The following MOB3B variants were observed in gnomAD, a reference collection of about 807,000 sequenced individuals.
MOB3B encodes the protein MOB kinase activator 3B.
MOB3B carries 7 observed loss-of-function variants against 18.7 expected under a neutral mutation model. That is an observed-to-expected ratio of 0.37 (90% CI 0.21 to 0.70). The LOEUF (loss-of-function observed/expected upper bound fraction) is 0.70, where lower values mean the gene tolerates loss of function less well. MOB3B is among the 30% of genes least tolerant of loss of function. MOB3B has a pLI of 0.52. For missense variants in MOB3B, 253 were observed against 281.3 expected (o/e 0.90, Z 0.72); for synonymous variants, 111 against 99.9 (o/e 1.11, Z -0.66).
intron 1 of MOB3B, among the ~76,000 whole-genome samples, chr9:27,511,760 A>G (rs993993288): frequency 5.3e-5 from 8 of 152,008 alleles, no homozygotes; most frequent in Admixed American, 1.3e-4. Flanking sequence ...TTTTCTTTTA[A>G]TCTCTATTGG....
At chr9:27,475,252 G>A (rs1024756640) in intron 1 of MOB3B, among the ~76,000 whole-genome samples, 4 of 152,234 alleles carry the variant, frequency 2.6e-5, no homozygotes, top group East Asian at 3.9e-4. Flanking sequence ...AGTAAGCTCC[G>A]AGGCGGCTCC....
chr9:27,384,713 G>T lies in MOB3B; in HGVS notation c.419-25477C>A, dbSNP rs1459762341. Among the ~76,000 whole-genome samples the T allele has an allele frequency of 2.0e-5, 3 of 152,310 alleles. 1 individual carries two copies. In the South Asian group the frequency reaches 6.2e-4, roughly 32 times the overall value. On this transcript the variant is annotated intron_variant, in intron 2 of 3. Transcript: ENST00000262244. ...GCTCCCTCCAGTATTTCCCTGGCATGGCTGGGTGTCAGACGGAAGCATCTC... is the reference window on the plus strand; with the variant it reads ...GCTCCCTCCAGTATTTCCCTGGCATTGCTGGGTGTCAGACGGAAGCATCTC...
At chr9:27,455,881 A>C in intron 1 of MOB3B, 133 bp from the exon 2 acceptor site, 1 of 830,362 alleles carries the variant, frequency 1.2e-6, no homozygotes, top group South Asian at 2.1e-5. Context: ...CATGGGGGTT[A>C]AGCCACTGCC....
At chr9:27,417,792 G>A (rs1822176884) in intron 2 of MOB3B, among the ~76,000 whole-genome samples, 1 of 152,166 alleles carries the variant, frequency 6.6e-6, no homozygotes, top group Non-Finnish European at 1.5e-5. Context: ...GCCGGGTGCG[G>A]TGGCTCACGC....
chr9:27,455,240 A>C lies in MOB3B; in HGVS notation c.311T>G (p.Leu104Arg). 1 of 1,614,142 alleles carries C rather than the reference A, an allele frequency of 6.2e-7. No homozygotes were observed. Among genetic ancestry groups the C allele is most frequent in the Non-Finnish European group, 8.5e-7 (1 of 1,180,016 alleles). The change falls in exon 2 of 4, where the codon CTC becomes CGC. Residue 104 changes from leucine (L) to arginine (R), a missense_variant. By Grantham distance (102) the Leu-to-Arg change is moderately radical. Transcript: ENST00000262244. The stretch of plus-strand genomic sequence containing the variant: ...CAGCGCTGTTGGCTTCTTATACTTG[A>C]GATCATCCTGCCACCGATACTCATA... ...PKYEYRWQDDLKYKKPTALPA... is the reference protein window; with the variant it reads ...PKYEYRWQDDRKYKKPTALPA...
rs1285377265 is a variant in MOB3B, at chr9:27,329,204, C to G, written c.*1383G>C. 1 of 152,182 alleles carries G rather than the reference C, an allele frequency of 6.6e-6. No individual in the cohort carries two copies. The highest frequency in any genetic ancestry group is 2.4e-5 in the African/African-American group (1 of 41,444). 9.4% of individuals were successfully genotyped at this position (152,182 alleles called of 1,614,324 possible). On this transcript the variant is annotated 3_prime_UTR_variant, in exon 4 of 4. Transcript: ENST00000262244. ...ATTCTTATCTACTTCCCTCCACCGA[C>G]AAATATTTTGCTAAATTAAAAGGAT...
rs572689908 is a variant in MOB3B, at chr9:27,408,398, T to G, written c.418+46735A>C. On this transcript the variant is annotated intron_variant, in intron 2 of 3. Coordinates refer to ENST00000262244, the MANE Select transcript of MOB3B (RefSeq NM_024761.5). ...CAGCCTGTCTGAGTTCCCATGAATC[T>G]ATATTTCTGCACTGAGATGGGGCAC... Among the ~76,000 whole-genome samples the G allele has an allele frequency of 5.3e-5, 8 of 152,310 alleles. No homozygotes were observed. The East Asian group carries it at 1.5e-3, about 29-fold the overall frequency.
intron 1 of MOB3B, among the ~76,000 whole-genome samples, chr9:27,514,154 G>A (rs941766519): frequency 6.6e-6 from 1 of 152,018 alleles, no homozygotes; most frequent in African/African-American, 2.4e-5. Context: ...CACATGGTGA[G>A]TTCTACTCTT....
chr9:27,473,217 C>A (rs556434547), intron 1 of MOB3B, among the ~76,000 whole-genome samples: 1 of 152,332 alleles, frequency 6.6e-6, no homozygotes, highest in South Asian at 2.1e-4. Context: ...GCAAGGAATG[C>A]AATCCAGAGA....
chr9:27,410,827 G>A (rs1822055112), intron 2 of MOB3B, among the ~76,000 whole-genome samples: 2 of 152,166 alleles, frequency 1.3e-5, no homozygotes, highest in South Asian at 4.1e-4. Flanking sequence ...TCTACTTGGT[G>A]ATTGAATTAT....
At position 27,330,751 on chromosome 9, in the gene MOB3B, CT is replaced by C. The variant is rs1490864902; in HGVS notation, c.622-136del. The stretch of plus-strand genomic sequence containing the variant: ...TTGCAAGCATGGTCCATGAATAAGG[CT>C]TAGCATGAGGGTATGTTCCATCTGT... On this transcript the variant is annotated intron_variant, in intron 3 of 3. Transcript: ENST00000262244. 2.3e-6 allele frequency: 3 copies of C among 1,304,344 alleles called. No individual in the cohort carries two copies. The Admixed American group carries it at 6.4e-5, about 28-fold the overall frequency. 80.8% of individuals were successfully genotyped at this position (1,304,344 alleles called of 1,614,324 possible).
At chr9:27,481,511 G>GT (rs536716885) in intron 1 of MOB3B, among the ~76,000 whole-genome samples, 2,268 of 69,606 alleles carry the variant, frequency 0.033, 71 homozygotes, top group African/African-American at 0.041. Context: ...TTTTTTTTTT[G>GT]TTTTTTTTGT....
At chr9:27,501,769 A>C (rs1373015731) in intron 1 of MOB3B, among the ~76,000 whole-genome samples, 5 of 3,088 alleles carry the variant, frequency 1.6e-3, no homozygotes, top group African/African-American at 1.7e-3. Flanking sequence ...TCTGTCTCAA[A>C]AAAAAAAAAA....
At chr9:27,465,940 G>A (rs1030783338) in intron 1 of MOB3B, among the ~76,000 whole-genome samples, 2 of 152,222 alleles carry the variant, frequency 1.3e-5, no homozygotes, top group African/African-American at 4.8e-5. Context: ...CTCTGGGCCT[G>A]TGATGGGTGG....
chr9:27,481,519 T>G lies in MOB3B; in HGVS notation c.-198-25771A>C, dbSNP rs867907894. Among the ~76,000 whole-genome samples, 379 of 137,480 alleles carry G rather than the reference T, an allele frequency of 2.8e-3. 9 individuals carry two copies. The highest frequency in any genetic ancestry group is 7.1e-3 in the Middle Eastern group (2 of 282). 90.2% of individuals were successfully genotyped at this position (137,480 alleles called of 152,430 possible). A position where few individuals can be genotyped will look rare whatever the true frequency, so the allele number is the denominator to read the frequency against. On this transcript the variant is annotated intron_variant, in intron 1 of 3. Coordinates refer to ENST00000262244, the MANE Select transcript of MOB3B (RefSeq NM_024761.5). ...GTAGTTTTTTTTTTTTTGTTTTTTT[T>G]GTTTTTTTTTTTTTTTGAGACGGAG...
At chr9:27,446,971 A>T (rs1413009863) in intron 2 of MOB3B, among the ~76,000 whole-genome samples, 1 of 151,326 alleles carries the variant, frequency 6.6e-6, no homozygotes, top group Non-Finnish European at 1.5e-5. Context: ...GAAAATATGG[A>T]CAGAATTATT....
intron 2 of MOB3B, among the ~76,000 whole-genome samples, chr9:27,428,139 G>T (rs1373532464): frequency 1.3e-5 from 2 of 152,108 alleles, no homozygotes; most frequent in East Asian, 3.9e-4. Flanking sequence ...GCATTCAGCA[G>T]CTATTTACTG....
chr9:27,394,969 T>A (rs1209002186), intron 2 of MOB3B, among the ~76,000 whole-genome samples: 2 of 152,186 alleles, frequency 1.3e-5, no homozygotes, highest in Non-Finnish European at 2.9e-5. Context: ...TTGAAAATAT[T>A]GTATTAATCA....
rs973556772 is a variant in MOB3B at position 27,326,285 on chromosome 9, G to A, written c.*4302C>T. ...GTCAACAATGGAGCAACAAGACTCC[G>A]TAGAGGATGCCACCCTGGGAGAATT... On this transcript the variant is annotated 3_prime_UTR_variant, in exon 4 of 4. Transcript: ENST00000262244. 3.1e-5 allele frequency: 12 copies of A among 393,274 alleles called. No homozygotes were observed. The highest frequency in any genetic ancestry group is 1.4e-4 in the South Asian group (1 of 6,972). The allele number at this position is 393,274 out of a possible 1,614,324, so 24.4% of individuals were successfully genotyped here.
Sources: allele counts gnomAD v4.1 joint callset (sites outside exome capture counted in the v4.1 genomes callset), GRCh38; gene constraint gnomAD v4.1.1; transcripts MANE v1.5; gene names NCBI Gene and HGNC (gene_info 2026-07-23, HGNC 2026-07-21).